Variants in ADAMTS3 observed in about 807,000 individuals in gnomAD.
The protein encoded by ADAMTS3 is ADAM metallopeptidase with thrombospondin type 1 motif 3.
In ADAMTS3, 73 loss-of-function variants were observed where a neutral mutation model predicts 129.0. The ratio of observed to expected loss-of-function variants is 0.57; its 90% CI spans 0.47 to 0.69. The LOEUF (loss-of-function observed/expected upper bound fraction) is 0.69. Among genes scored for constraint, ADAMTS3 ranks in the 30% least tolerant of loss-of-function variants. ADAMTS3 has a pLI of 0.00. For synonymous variants in ADAMTS3, 477 were observed against 510.8 expected, an observed-to-expected ratio of 0.93 and a Z score of 0.89; for missense variants, 1,457 against 1,514.5, an observed-to-expected ratio of 0.96 and a Z score of 0.63.
chr4:72,407,086 T>C (rs946847332), intron 4 of ADAMTS3, among the ~76,000 whole-genome samples: 1 of 152,174 alleles, frequency 6.6e-6, no homozygotes, highest in African/African-American at 2.4e-5. Context: ...ATTAACTTAA[T>C]ACCTTCTTTA....
At chr4:72,440,307 T>G (rs181172056) in intron 3 of ADAMTS3, among the ~76,000 whole-genome samples, 30 of 151,920 alleles carry the variant, frequency 2.0e-4, no homozygotes, top group Admixed American at 3.9e-4. Flanking sequence ...ATATGTTTAT[T>G]GTGGATAAAT....
chr4:72,568,443 G>C (rs1009270873), intron 1 of ADAMTS3, among the ~76,000 whole-genome samples: 1 of 152,130 alleles, frequency 6.6e-6, no homozygotes, highest in Non-Finnish European at 1.5e-5. Flanking sequence ...GAATGTCGCA[G>C]ACTGGTGAAG....
At chr4:72,345,203 T>C (rs1720247836) in intron 4 of ADAMTS3, among the ~76,000 whole-genome samples, 1 of 152,154 alleles carries the variant, frequency 6.6e-6, no homozygotes, top group Non-Finnish European at 1.5e-5. Context: ...GTAAAAATCT[T>C]GCCTTCTTCA....
chr4:72,493,563 T>A (rs1180713509), intron 3 of ADAMTS3, among the ~76,000 whole-genome samples: 1 of 151,948 alleles, frequency 6.6e-6, no homozygotes, highest in Admixed American at 6.6e-5. Flanking sequence ...TCATACTGTG[T>A]AACCACTAAC....
intron 4 of ADAMTS3, among the ~76,000 whole-genome samples, chr4:72,397,068 A>G (rs1258719580): frequency 6.6e-6 from 1 of 152,022 alleles, no homozygotes; most frequent in Non-Finnish European, 1.5e-5. Flanking sequence ...TCCAGGGAAA[A>G]ACACTCCAAG....
intron 2 of ADAMTS3, among the ~76,000 whole-genome samples, chr4:72,557,041 T>G: frequency 6.6e-6 from 1 of 151,808 alleles, no homozygotes; most frequent in East Asian, 1.9e-4. Context: ...AAGACTGGAA[T>G]TCTCTCCCAA....
At chr4:72,378,594 T>A (rs1721194412) in intron 4 of ADAMTS3, among the ~76,000 whole-genome samples, 1 of 152,148 alleles carries the variant, frequency 6.6e-6, no homozygotes, top group Non-Finnish European at 1.5e-5. Context: ...TATAAGTGCT[T>A]CCTTTCACAT....
intron 3 of ADAMTS3, among the ~76,000 whole-genome samples, chr4:72,518,153 G>T (rs1720547797): frequency 6.6e-6 from 1 of 152,112 alleles, no homozygotes; most frequent in Non-Finnish European, 1.5e-5. Flanking sequence ...GGTTTTGAGT[G>T]AGTTTCTTAA....
At chr4:72,313,957 C>T (rs1269804285) in intron 11 of ADAMTS3, 135 bp from the exon 12 acceptor site, 1 of 949,728 alleles carries the variant, frequency 1.1e-6, no homozygotes. Flanking sequence ...TTAAAATTAT[C>T]CAAAAGCAAT....
At chr4:72,412,911 T>G (rs996426876) in intron 4 of ADAMTS3, among the ~76,000 whole-genome samples, 1 of 152,040 alleles carries the variant, frequency 6.6e-6, no homozygotes, top group Non-Finnish European at 1.5e-5. Context: ...AAACTGAGTA[T>G]GTTGATGCTA....
intron 3 of ADAMTS3, among the ~76,000 whole-genome samples, chr4:72,514,586 C>A (rs999677078): frequency 6.6e-6 from 1 of 152,114 alleles, no homozygotes; most frequent in Non-Finnish European, 1.5e-5. Context: ...AGCTTTGCCA[C>A]GTACCTGCCT....
At chr4:72,436,746 T>A (rs547474197) in intron 3 of ADAMTS3, among the ~76,000 whole-genome samples, 46 of 151,840 alleles carry the variant, frequency 3.0e-4, no homozygotes, top group Admixed American at 2.8e-3. Context: ...CTCAGCAAAC[T>A]ATCGCAAGGA....
At chr4:72,319,087 GA>G (rs1656386605) in intron 9 of ADAMTS3, among the ~76,000 whole-genome samples, 1 of 152,012 alleles carries the variant, frequency 6.6e-6, no homozygotes, top group Admixed American at 6.5e-5. Flanking sequence ...TCAAAGATTC[GA>G]TAACAATTTA....
intron 4 of ADAMTS3, among the ~76,000 whole-genome samples, chr4:72,352,898 G>A (rs1720479974): frequency 6.6e-6 from 1 of 152,020 alleles, no homozygotes; most frequent in Admixed American, 6.6e-5. Context: ...GGGAAATGCG[G>A]TTACTAAGAG....
chr4:72,474,028 T>C (rs1311716159), intron 3 of ADAMTS3, among the ~76,000 whole-genome samples: 6 of 152,198 alleles, frequency 3.9e-5, no homozygotes, highest in Admixed American at 2.0e-4. Flanking sequence ...CAAACTTTTA[T>C]CTACACCTGG....
intron 3 of ADAMTS3, among the ~76,000 whole-genome samples, chr4:72,421,509 G>C (rs1342450030): frequency 6.6e-6 from 1 of 152,172 alleles, no homozygotes; most frequent in African/African-American, 2.4e-5. Flanking sequence ...AAGCTGAAAA[G>C]GAATGATGAG....
At chr4:72,499,587 G>A (rs1202387833) in intron 3 of ADAMTS3, among the ~76,000 whole-genome samples, 3 of 151,968 alleles carry the variant, frequency 2.0e-5, no homozygotes, top group African/African-American at 4.8e-5. Context: ...ATGTATCTTC[G>A]GGGGCTCAGG....
chr4:72,458,069 G>A (rs1245005885), intron 3 of ADAMTS3, among the ~76,000 whole-genome samples: 9 of 151,618 alleles, frequency 5.9e-5, no homozygotes, highest in Admixed American at 5.3e-4. Flanking sequence ...TTTTAACTGA[G>A]CGCATCTAGA....
chr4:72,552,017 AAGGAGG>A (rs2109794149), intron 2 of ADAMTS3, among the ~76,000 whole-genome samples: 1 of 152,314 alleles, frequency 6.6e-6, no homozygotes, highest in East Asian at 1.9e-4. Flanking sequence ...AAGAAACTGG[AAGGAGG>A]GGCAGAAGCT....
Sources: allele counts gnomAD v4.1 joint callset (sites outside exome capture counted in the v4.1 genomes callset), GRCh38; gene constraint gnomAD v4.1.1; transcripts MANE v1.5; gene names NCBI Gene and HGNC (gene_info 2026-07-23, HGNC 2026-07-21).